The following SND1 variants were observed in gnomAD, a reference collection of about 807,000 sequenced individuals.
SND1 encodes staphylococcal nuclease and tudor domain containing 1.
Under a neutral mutation model 121.7 loss-of-function variants are expected in SND1, and 38 were observed. The ratio of observed to expected loss-of-function variants is 0.31; its 90% CI spans 0.24 to 0.41. SND1 has a LOEUF of 0.41. Ranked by LOEUF, SND1 falls within the 10% of genes least tolerant of loss-of-function variation. The pLI is 1.00. For synonymous variants in SND1, 401 were observed against 447.4 expected (o/e 0.90, Z 1.31); for missense variants, 868 against 1,184.6 (o/e 0.73, Z 3.92).
At chr7:127,947,346 C>G (rs1452356468) in intron 15 of SND1, among the ~76,000 whole-genome samples, 4 of 152,162 alleles carry the variant, frequency 2.6e-5, no homozygotes, top group Admixed American at 6.5e-5. Flanking sequence ...CATGCTGCCC[C>G]TAGATATGCC....
chr7:127,786,883 C>T (rs1797823156), intron 10 of SND1, among the ~76,000 whole-genome samples: 1 of 152,180 alleles, frequency 6.6e-6, no homozygotes. Flanking sequence ...ACCTCGTGAT[C>T]CGCCCATCTC....
intron 10 of SND1, among the ~76,000 whole-genome samples, chr7:127,770,474 A>G (rs533021583): frequency 2.0e-5 from 3 of 152,332 alleles, no homozygotes; most frequent in African/African-American, 7.2e-5. Context: ...CTTTACCTGC[A>G]CTATCTAATT....
At chr7:127,845,126 A>G (rs1308485951) in intron 12 of SND1, among the ~76,000 whole-genome samples, 1 of 152,210 alleles carries the variant, frequency 6.6e-6, no homozygotes. Flanking sequence ...ATTTCTTTTA[A>G]GTGGGCATAT....
At position 127,662,890 on chromosome 7, in the gene SND1, CTT is replaced by C. The variant is rs34629378; in HGVS notation, c.78+10458_78+10459del. ...ATAACCCGTGCACAACCTCTTTTAT[CTT>C]TTTTTTTTTTTTTTTTTTGAGACAG... On this transcript the variant is annotated intron_variant, in intron 1 of 23. Transcript: ENST00000354725. Among the ~76,000 whole-genome samples the C allele has an allele frequency of 6.3e-3, 777 of 122,464 alleles. 2 individuals carry two copies. Among genetic ancestry groups the C allele is most frequent in the Non-Finnish European group, 0.011 (611 of 58,020 alleles). 80.3% of individuals were successfully genotyped at this position (122,464 alleles called of 152,430 possible).
chr7:128,034,854 G>A (rs1792718436), intron 16 of SND1, among the ~76,000 whole-genome samples: 2 of 152,224 alleles, frequency 1.3e-5, no homozygotes, highest in Admixed American at 6.5e-5. Context: ...TGGGATTGCA[G>A]CCTCTCATTT....
intron 3 of SND1, among the ~76,000 whole-genome samples, chr7:127,696,365 T>C (rs573353085): frequency 1.7e-3 from 255 of 152,328 alleles, no homozygotes; most frequent in Admixed American, 3.1e-3. Context: ...CTTATTTGAA[T>C]GAGAAATTAT....
At chr7:127,816,866 T>C (rs903347367) in intron 11 of SND1, among the ~76,000 whole-genome samples, 2 of 152,076 alleles carry the variant, frequency 1.3e-5, no homozygotes, top group Admixed American at 1.3e-4. Context: ...TTTCACCATG[T>C]TGGCTAGGGG....
chr7:127,789,989 G>A (rs1376235312), intron 10 of SND1, among the ~76,000 whole-genome samples: 1 of 152,182 alleles, frequency 6.6e-6, no homozygotes, highest in Non-Finnish European at 1.5e-5. Context: ...AAGTATAGAG[G>A]TGGTGACGTA....
intron 10 of SND1, among the ~76,000 whole-genome samples, chr7:127,780,024 C>T (rs748501086): frequency 2.0e-5 from 3 of 152,104 alleles, no homozygotes; most frequent in Non-Finnish European, 4.4e-5. Context: ...ACTTTTAGCT[C>T]CTTTGAAGGT....
intron 15 of SND1, among the ~76,000 whole-genome samples, chr7:127,956,403 G>A (rs1014073989): frequency 6.6e-6 from 1 of 152,198 alleles, no homozygotes; most frequent in Non-Finnish European, 1.5e-5. Context: ...TGTTGAGGAG[G>A]TGGTACACTT....
intron 16 of SND1, among the ~76,000 whole-genome samples, chr7:128,047,985 C>T (rs1470384368): frequency 2.0e-5 from 3 of 151,940 alleles, no homozygotes; most frequent in Non-Finnish European, 2.9e-5. Context: ...GTAGCTGGGA[C>T]TACAGGCGCC....
chr7:127,662,713 C>T (rs1795336325), intron 1 of SND1, among the ~76,000 whole-genome samples: 1 of 151,972 alleles, frequency 6.6e-6, no homozygotes, highest in South Asian at 2.1e-4. Flanking sequence ...TCCTGAAAGC[C>T]ACTTTGCCTT....
chr7:127,696,249 G>A (rs1311190763), intron 3 of SND1, among the ~76,000 whole-genome samples: 1 of 152,130 alleles, frequency 6.6e-6, no homozygotes, highest in Non-Finnish European at 1.5e-5. Flanking sequence ...TAATGATAGA[G>A]GTCTCAGAAA....
chr7:128,065,983 G>A (rs1793306507), intron 16 of SND1, among the ~76,000 whole-genome samples: 2 of 152,186 alleles, frequency 1.3e-5, no homozygotes, highest in African/African-American at 2.4e-5. Flanking sequence ...CTTCCAGCAC[G>A]GGTTTTTCCT....
intron 15 of SND1, among the ~76,000 whole-genome samples, chr7:127,981,685 T>G (rs17676908): frequency 0.11 from 16,953 of 152,292 alleles, 1,214 homozygotes; most frequent in Admixed American, 0.22. Flanking sequence ...GTGTGGTGTC[T>G]AAAGCTAACA....
intron 15 of SND1, among the ~76,000 whole-genome samples, chr7:127,974,119 A>G (rs1802061516): frequency 6.6e-6 from 1 of 152,176 alleles, no homozygotes; most frequent in South Asian, 2.1e-4. Context: ...TGCCTGAGTG[A>G]GTGTTTAGCA....
intron 10 of SND1, among the ~76,000 whole-genome samples, chr7:127,790,099 T>C (rs1198220123): frequency 1.3e-5 from 2 of 152,226 alleles, no homozygotes; most frequent in Non-Finnish European, 2.9e-5. Flanking sequence ...ATTTATTAGG[T>C]GAACATTCTG....
chr7:127,755,877 G>A (rs1797186882), intron 10 of SND1, among the ~76,000 whole-genome samples: 2 of 152,238 alleles, frequency 1.3e-5, no homozygotes, highest in African/African-American at 4.8e-5. Flanking sequence ...CTATATGAAT[G>A]TAGGAGTATT....
chr7:127,747,651 C>T (rs1797005244), intron 10 of SND1, among the ~76,000 whole-genome samples: 1 of 152,146 alleles, frequency 6.6e-6, no homozygotes, highest in Non-Finnish European at 1.5e-5. Flanking sequence ...GACTGAACAT[C>T]AGTGCTTTAA....
Sources: allele counts gnomAD v4.1 joint callset (sites outside exome capture counted in the v4.1 genomes callset), GRCh38; gene constraint gnomAD v4.1.1; transcripts MANE v1.5; gene names NCBI Gene and HGNC (gene_info 2026-07-23, HGNC 2026-07-21).